The following FAAH2 variants were observed in gnomAD, a reference collection of about 807,000 sequenced individuals.
FAAH2 encodes fatty acid amide hydrolase 2.
A neutral mutation model predicts 36.9 loss-of-function variants in FAAH2; 60 were observed. The observed-to-expected ratio is 1.63, with a 90% confidence interval of 1.32 to 2.02. The LOEUF (loss-of-function observed/expected upper bound fraction) is 2.02. Ranked by LOEUF, FAAH2 falls within the 30% of genes most tolerant of loss-of-function variation. The pLI is 0.00. For synonymous variants in FAAH2, 214 were observed against 143.8 expected, an observed-to-expected ratio of 1.49 and a Z score of -3.49; for missense variants, 689 against 397.5, an observed-to-expected ratio of 1.73 and a Z score of -6.23.
intron 5 of FAAH2, among the ~76,000 whole-genome samples, chrX:57,352,080 GTGTATATATATGCACA>G: frequency 1.9e-4 from 1 of 5,290 alleles, no homozygotes; most frequent in South Asian, 0.029. Flanking sequence ...ATATATATAT[GTGTATATATATGCACA>G]TATATATATA....
the FAAH2 span, among the ~76,000 whole-genome samples, chrX:57,129,995 A>G: frequency 1.8e-5 from 2 of 112,579 alleles, no homozygotes; most frequent in Non-Finnish European, 1.9e-5. Flanking sequence ...ATGCTTCTGT[A>G]ATATCCAAGA....
At chrX:57,477,336 G>A (rs984358647) in intron 10 of FAAH2, among the ~76,000 whole-genome samples, 1 of 110,562 alleles carries the variant, frequency 9.0e-6, no homozygotes, top group African/African-American at 3.3e-5. Context: ...CATCAACAAA[G>A]CAGGATATTA....
intron 7 of FAAH2, among the ~76,000 whole-genome samples, chrX:57,423,323 G>A (rs926594854): frequency 8.9e-6 from 1 of 111,821 alleles, no homozygotes; most frequent in Non-Finnish European, 1.9e-5. Flanking sequence ...TGAGAGGTGA[G>A]TGTGGCATGG....
At chrX:57,290,877 G>A (rs764066307) in intron 1 of FAAH2, among the ~76,000 whole-genome samples, 1 of 111,194 alleles carries the variant, frequency 9.0e-6, no homozygotes, top group Non-Finnish European at 1.9e-5. Flanking sequence ...TTTTAGTTTT[G>A]TTTACCTCTT....
intron 7 of FAAH2, among the ~76,000 whole-genome samples, chrX:57,413,233 TC>T (rs1245821497): frequency 8.9e-6 from 1 of 112,161 alleles, no homozygotes; most frequent in African/African-American, 3.2e-5. Flanking sequence ...TTAATTAGAT[TC>T]CATTTGTCAA....
intron 2 of FAAH2, among the ~76,000 whole-genome samples, chrX:57,305,638 C>G (rs1176395559): frequency 9.0e-6 from 1 of 111,577 alleles, no homozygotes; most frequent in Non-Finnish European, 1.9e-5. Flanking sequence ...ATTTCAATAC[C>G]CAGACTCCCT....
In FAAH2 at chrX:57,310,692, G is replaced by C; in HGVS notation, c.375G>C (p.Gly125=). The change falls in exon 3 of 11, where the codon GGG becomes GGC. Residue 125 remains glycine, a synonymous_variant. Coordinates refer to ENST00000374900, the MANE Select transcript of FAAH2 (RefSeq NM_174912.4). ...TGGAAAATAAATGGCCCTTCCTTGG[G>C]GTTCCTTTGACAGTCAAGGAAGCTT... is the stretch of plus-strand genomic sequence containing the variant. ...ATLENKWPFL[G]VPLTVKEAFQ... 8.3e-7 allele frequency: 1 copy of C among 1,208,672 alleles called. No individual in the cohort carries two copies.
intron 5 of FAAH2, among the ~76,000 whole-genome samples, chrX:57,354,965 G>A (rs2054122764): frequency 9.0e-6 from 1 of 110,588 alleles, no homozygotes; most frequent in Admixed American, 9.7e-5. Flanking sequence ...ATGTTTATCT[G>A]GCTAGCACTG....
chrX:57,198,918 CT>C, the FAAH2 span, among the ~76,000 whole-genome samples: 3 of 112,418 alleles, frequency 2.7e-5, no homozygotes. Context: ...GACGTTCCCC[CT>C]CTCACACTTT....
upstream of FAAH2, among the ~76,000 whole-genome samples, chrX:57,284,551 T>C (rs1050240832): frequency 2.7e-5 from 3 of 111,773 alleles, no homozygotes; most frequent in Non-Finnish European, 5.6e-5. Flanking sequence ...CTTATACGAG[T>C]TAGCTAAAGT....
chrX:57,162,131 G>A, the FAAH2 span, among the ~76,000 whole-genome samples: 2 of 108,159 alleles, frequency 1.8e-5, no homozygotes, highest in African/African-American at 6.8e-5. Context: ...GCTTAGTTTG[G>A]CTGGATATGA....
chrX:57,237,580 A>G, the FAAH2 span, among the ~76,000 whole-genome samples: 1 of 111,181 alleles, frequency 9.0e-6, no homozygotes, highest in East Asian at 2.8e-4. Flanking sequence ...TATCATGACA[A>G]AGAGATATAT....
upstream of FAAH2, among the ~76,000 whole-genome samples, chrX:57,282,945 C>T (rs1470607848): frequency 8.9e-6 from 1 of 112,134 alleles, no homozygotes; most frequent in East Asian, 2.8e-4. Context: ...ACTTTTGAGG[C>T]AGCAGGGGAC....
At chrX:57,218,740 C>T in the FAAH2 span, among the ~76,000 whole-genome samples, 3 of 111,770 alleles carry the variant, frequency 2.7e-5, no homozygotes, top group Admixed American at 2.8e-4. Context: ...GGTTCCTTCT[C>T]TATATATCTT....
the FAAH2 span, among the ~76,000 whole-genome samples, chrX:57,266,235 G>A: frequency 8.9e-6 from 1 of 112,113 alleles, no homozygotes; most frequent in Middle Eastern, 4.2e-3. Context: ...GCCTCCCTGG[G>A]ATGAAGCTCT....
the FAAH2 span, among the ~76,000 whole-genome samples, chrX:57,255,884 C>T: frequency 8.9e-6 from 1 of 111,802 alleles, no homozygotes. Context: ...GATGCCCTCT[C>T]TCACCACTCC....
chrX:57,417,753 GTGC>G (rs1312805723), intron 7 of FAAH2, among the ~76,000 whole-genome samples: 5 of 112,082 alleles, frequency 4.5e-5, no homozygotes, highest in Non-Finnish European at 7.5e-5. Context: ...CAGAGCTCTA[GTGC>G]TGTTCTGGGA....
At chrX:57,282,290 T>A (rs965336609), upstream of FAAH2, among the ~76,000 whole-genome samples, 1 of 112,189 alleles carries the variant, frequency 8.9e-6, no homozygotes, top group African/African-American at 3.2e-5. Flanking sequence ...TATCTCTTCG[T>A]GGTTTTGATT....
the FAAH2 span, among the ~76,000 whole-genome samples, chrX:57,256,976 A>T: frequency 8.9e-6 from 1 of 112,434 alleles, no homozygotes; most frequent in African/African-American, 3.2e-5. Flanking sequence ...AGAAATGCAA[A>T]TCAAAACCAT....
Sources: allele counts gnomAD v4.1 joint callset (sites outside exome capture counted in the v4.1 genomes callset), GRCh38; gene constraint gnomAD v4.1.1; transcripts MANE v1.5; gene names NCBI Gene and HGNC (gene_info 2026-07-23, HGNC 2026-07-21).